CLYBL: variants seen among roughly 807,000 people sequenced by gnomAD.
The protein encoded by CLYBL is citramalyl-CoA lyase, mitochondrial.
Under a neutral mutation model 38.9 loss-of-function variants are expected in CLYBL, and 31 were observed. The observed-to-expected ratio is 0.80, with a 90% CI of 0.60 to 1.08. The LOEUF is 1.08. CLYBL is among the 50% of genes least tolerant of loss of function. CLYBL has a pLI of 0.00. For synonymous variants in CLYBL, 171 were observed against 158.6 expected, an observed-to-expected ratio of 1.08 and a Z score of -0.59; for missense variants, 434 against 411.6, an observed-to-expected ratio of 1.05 and a Z score of -0.47.
At chr13:99,649,548 T>A (rs1382982702) in intron 1 of CLYBL, among the ~76,000 whole-genome samples, 1 of 152,226 alleles carries the variant, frequency 6.6e-6, no homozygotes, top group East Asian at 1.9e-4. Context: ...TTTGGAATAT[T>A]GATGGAGGAC....
At chr13:99,772,702 AAT>A in intron 1 of CLYBL, 120 bp from the exon 2 acceptor site, 10 of 874,156 alleles carry the variant, frequency 1.1e-5, no homozygotes, top group South Asian at 3.7e-5. Flanking sequence ...GTCTCAAAAA[AAT>A]AAAAATAAAA....
At chr13:99,893,288 G>A (rs2052527573), downstream of CLYBL, 1 of 152,550 alleles carries the variant, frequency 6.6e-6, no homozygotes, top group Admixed American at 6.5e-5. Context: ...AGTTCCCAGA[G>A]GAGCACCCAT....
At position 99,869,907 on chromosome 13, in the gene CLYBL, TATA is replaced by T. The variant is rs1275874099; in HGVS notation, c.803-1028_803-1026del. On this transcript the variant is annotated intron_variant, in intron 6 of 8. Coordinates refer to ENST00000339105, the MANE Select transcript of CLYBL (RefSeq NM_206808.5). This position sits in a 1 kb window ranked among gnomAD's most constrained non-coding sequence, Gnocchi z 4.3. ...TGTTCATAACTTTATCACGTAACAA[TATA>T]ATCTCATCATTATTATAACATTAAA... Among the ~76,000 whole-genome samples the T allele has an allele frequency of 6.6e-6, 1 of 152,092 alleles. No individual in the cohort carries two copies. Among genetic ancestry groups the T allele is most frequent in the Non-Finnish European group, 1.5e-5 (1 of 67,954 alleles).
intron 2 of CLYBL, among the ~76,000 whole-genome samples, chr13:99,815,691 A>G (rs1385061845): frequency 6.6e-6 from 1 of 152,142 alleles, no homozygotes; most frequent in African/African-American, 2.4e-5. Context: ...TTCAAGACAA[A>G]CATGGTGAAA....
At chr13:99,886,421 A>T (rs1359025246) in intron 7 of CLYBL, among the ~76,000 whole-genome samples, 1 of 152,260 alleles carries the variant, frequency 6.6e-6, no homozygotes, top group Non-Finnish European at 1.5e-5. Flanking sequence ...TATCTGATCC[A>T]CGGGCAATGG....
At chr13:99,723,146 C>G (rs1472743878) in intron 1 of CLYBL, among the ~76,000 whole-genome samples, 1 of 152,184 alleles carries the variant, frequency 6.6e-6, no homozygotes, top group Non-Finnish European at 1.5e-5. Flanking sequence ...AGGAATAAGG[C>G]CCAGGAGCTG....
At chr13:99,870,873 A>G in intron 6 of CLYBL, 65 bp from the exon 7 acceptor site, 2 of 1,529,086 alleles carry the variant, frequency 1.3e-6, no homozygotes, top group East Asian at 2.3e-5. Context: ...CTCACGCGAT[A>G]GAAACATTTT....
At chr13:99,908,474 A>G (rs571601729) in exon 10 of CLYBL, among the ~76,000 whole-genome samples, 1 of 152,380 alleles carries the variant, frequency 6.6e-6, no homozygotes, top group East Asian at 1.9e-4. Flanking sequence ...CCCGCCTCGC[A>G]GTGTGGAAGC....
intron 2 of CLYBL, among the ~76,000 whole-genome samples, chr13:99,799,857 G>T (rs1276226308): frequency 6.6e-6 from 1 of 152,232 alleles, no homozygotes; most frequent in East Asian, 1.9e-4. Flanking sequence ...CATGTTGTGT[G>T]CCTGCTTATG....
chr13:99,744,388 T>A (rs2048814319), intron 1 of CLYBL, among the ~76,000 whole-genome samples: 1 of 152,210 alleles, frequency 6.6e-6, no homozygotes, highest in Non-Finnish European at 1.5e-5. Context: ...AGGGAAAAGT[T>A]CTGAGATATC....
chr13:99,773,689 G>A (rs950182821), intron 2 of CLYBL, among the ~76,000 whole-genome samples: 1 of 152,106 alleles, frequency 6.6e-6, no homozygotes, highest in Non-Finnish European at 1.5e-5. Flanking sequence ...TAAAATTGTG[G>A]TGTAAGATTT....
intron 2 of CLYBL, among the ~76,000 whole-genome samples, chr13:99,842,705 C>CTT (rs1555316709): frequency 1.5e-4 from 17 of 114,716 alleles, no homozygotes; most frequent in South Asian, 3.1e-4. Flanking sequence ...CTGTACAGCC[C>CTT]TTTTTTTTAA....
chr13:99,883,761 C>T (rs577574275), intron 7 of CLYBL, among the ~76,000 whole-genome samples: 1 of 152,130 alleles, frequency 6.6e-6, no homozygotes, highest in Admixed American at 6.5e-5. Flanking sequence ...ACTCCATGCA[C>T]ACTTCTCTGT....
intron 1 of CLYBL, among the ~76,000 whole-genome samples, chr13:99,649,482 C>T (rs1216793641): frequency 6.6e-6 from 1 of 152,154 alleles, no homozygotes; most frequent in Admixed American, 6.5e-5. Context: ...TTTGCAATGT[C>T]ATTGTTTCTT....
intron 1 of CLYBL, among the ~76,000 whole-genome samples, chr13:99,654,727 C>T (rs950568389): frequency 5.3e-5 from 8 of 152,172 alleles, no homozygotes; most frequent in Admixed American, 3.9e-4. Context: ...AATGTCAGGC[C>T]GGATGCCGTG....
chr13:99,838,811 GTGT>G, intron 2 of CLYBL, among the ~76,000 whole-genome samples: 1 of 20,672 alleles, frequency 4.8e-5, no homozygotes, highest in African/African-American at 3.5e-4. Flanking sequence ...AATTTTTTGT[GTGT>G]GTTTTTAGTA....
Position 99,870,856 on chromosome 13 carries a change from C to T in CLYBL, c.803-82C>T, listed in dbSNP as rs1447913888. The T allele has an allele frequency of 8.2e-6, 12 of 1,459,768 alleles. No homozygotes were observed. In the Admixed American group the frequency reaches 1.1e-4, roughly 13 times the overall value. The allele number at this position is 1,459,768 out of a possible 1,614,324, so 90.4% of individuals were successfully genotyped here. A position where few individuals can be genotyped will look rare whatever the true frequency, so the allele number is the denominator to read the frequency against. ...TTTAACATACAGTCTATGAGGCCTT[C>T]AGGAACCTCACGCGATAGAAACATT... On this transcript the variant is annotated intron_variant, in intron 6 of 8. Coordinates refer to ENST00000339105, the MANE Select transcript of CLYBL (RefSeq NM_206808.5).
intron 2 of CLYBL, among the ~76,000 whole-genome samples, chr13:99,792,343 G>C (rs1047115157): frequency 1.2e-4 from 18 of 152,114 alleles, no homozygotes; most frequent in Admixed American, 7.2e-4. Flanking sequence ...GCTGCAGGTG[G>C]GCTGGGATTG....
At chr13:99,903,972 G>A (rs1303403977) in intron 8 of CLYBL, among the ~76,000 whole-genome samples, 2 of 151,998 alleles carry the variant, frequency 1.3e-5, no homozygotes, top group Non-Finnish European at 2.9e-5. Flanking sequence ...TTGAGCCCAA[G>A]AGTTCAAGGC....
Sources: gnomAD v4.1 joint callset for allele counts (sites outside exome capture counted in the v4.1 genomes callset) on GRCh38, gnomAD v4.1.1 for gene constraint, Gnocchi (gnomAD v3.1) non-coding constraint, MANE v1.5 for transcripts, NCBI Gene and HGNC (gene_info 2026-07-23, HGNC 2026-07-21) for gene names.